The following HMCN1 variants were observed in gnomAD, a reference collection of about 807,000 sequenced individuals.
The protein encoded by HMCN1 is hemicentin-1.
Under a neutral mutation model 625.9 loss-of-function variants are expected in HMCN1, and 321 were observed. That is an observed-to-expected ratio of 0.51 (90% CI 0.47 to 0.56). The LOEUF is 0.56. Ranked by LOEUF, HMCN1 falls within the 20% of genes least tolerant of loss-of-function variation. HMCN1 has a pLI of 0.00. For missense variants in HMCN1, 6,588 were observed against 6,887.3 expected (o/e 0.96, Z 1.54); for synonymous variants, 2,425 against 2,417.6 (o/e 1.00, Z -0.09).
At chr1:185,861,480 C>A (rs778246910) in intron 2 of HMCN1, among the ~76,000 whole-genome samples, 3 of 152,124 alleles carry the variant, frequency 2.0e-5, no homozygotes, top group Admixed American at 6.5e-5. Flanking sequence ...CAGTGTCATG[C>A]GCAGTTGAGG....
Position 186,103,615 on chromosome 1 carries a change from G to A in HMCN1, c.10717G>A (p.Asp3573Asn). ...AGATGGCCGGCCCCTTCCACAGACG[G>A]ATCAAGTGCAAACTCTAGGAGGAGG... is the stretch of plus-strand genomic sequence containing the variant. ...MKDGRPLPQT[D>N]QVQTLGGGEV... Residue 3573 changes from aspartate (D) to asparagine (N), a missense_variant, in exon 69 of 107, where the codon GAT becomes AAT. By Grantham distance (23) the Asp-to-Asn change is conservative (BLOSUM62 1). This residue lies in a region of HMCN1 where 4,628 missense variants were observed against 4,853.1 expected (regional missense o/e 0.95). Coordinates refer to ENST00000271588, the MANE Select transcript of HMCN1 (RefSeq NM_031935.3). 6.2e-7 allele frequency: 1 copy of A among 1,613,742 alleles called. No individual in the cohort carries two copies. Among genetic ancestry groups the A allele is most frequent in the East Asian group, 2.2e-5 (1 of 44,878 alleles).
chr1:186,170,446 G>A (rs777941986), intron 100 of HMCN1, among the ~76,000 whole-genome samples: 3 of 152,010 alleles, frequency 2.0e-5, no homozygotes, highest in Non-Finnish European at 4.4e-5. Flanking sequence ...CCCATTACTG[G>A]GTATATATTC....
At chr1:185,800,959 C>T (rs1164521088) in intron 1 of HMCN1, among the ~76,000 whole-genome samples, 1 of 152,142 alleles carries the variant, frequency 6.6e-6, no homozygotes, top group Non-Finnish European at 1.5e-5. Context: ...CACTACTCTA[C>T]TCTGATCTTT....
chr1:186,181,288 AAAC>A (rs1261560898), intron 104 of HMCN1, among the ~76,000 whole-genome samples: 1 of 152,158 alleles, frequency 6.6e-6, no homozygotes, highest in Admixed American at 6.5e-5. Context: ...AGTTAAAGCA[AAAC>A]ACCACTGGGA....
At chr1:185,807,109 AAAG>A (rs1312791951) in intron 1 of HMCN1, among the ~76,000 whole-genome samples, 1 of 152,228 alleles carries the variant, frequency 6.6e-6, no homozygotes, top group Non-Finnish European at 1.5e-5. Flanking sequence ...TAATATAAAA[AAAG>A]CAGTTTTCTG....
At chr1:186,039,933 A>G in intron 39 of HMCN1, 54 bp downstream of exon 39, 2 of 1,520,410 alleles carry the variant, frequency 1.3e-6, no homozygotes, top group African/African-American at 2.7e-5. Context: ...TCAGTACAGG[A>G]AGTACACACA....
At chr1:185,745,735 G>A (rs142025785) in intron 1 of HMCN1, among the ~76,000 whole-genome samples, 132 of 149,088 alleles carry the variant, frequency 8.9e-4, no homozygotes, top group African/African-American at 3.2e-3. Flanking sequence ...TGGCCTGTCT[G>A]TCTCCAGGTA....
At chr1:185,811,436 T>A (rs1161339009) in intron 1 of HMCN1, among the ~76,000 whole-genome samples, 3 of 151,212 alleles carry the variant, frequency 2.0e-5, no homozygotes, top group African/African-American at 4.9e-5. Flanking sequence ...AAAAAAAAAA[T>A]GAATTTTAAA....
At chr1:185,777,282 A>ATACC in intron 1 of HMCN1, among the ~76,000 whole-genome samples, 1 of 152,148 alleles carries the variant, frequency 6.6e-6, no homozygotes, top group African/African-American at 2.4e-5. Context: ...AGAACATTTT[A>ATACC]TCTTCTTATA....
At chr1:185,934,819 C>A (rs1432991948) in intron 11 of HMCN1, among the ~76,000 whole-genome samples, 2 of 152,124 alleles carry the variant, frequency 1.3e-5, no homozygotes, top group Non-Finnish European at 2.9e-5. Flanking sequence ...AATGACCATT[C>A]AGTTTCAAGG....
At chr1:185,800,286 T>G (rs2102222522) in intron 1 of HMCN1, among the ~76,000 whole-genome samples, 1 of 152,326 alleles carries the variant, frequency 6.6e-6, no homozygotes, top group East Asian at 1.9e-4. Flanking sequence ...ACTTCTCTGT[T>G]GGATTCCAGT....
At chr1:186,017,321 G>A (rs1654428414) in intron 33 of HMCN1, among the ~76,000 whole-genome samples, 1 of 151,972 alleles carries the variant, frequency 6.6e-6, no homozygotes, top group South Asian at 2.1e-4. Context: ...GAATTCCATT[G>A]TATGGTATAG....
At chr1:185,838,295 A>C (rs2102303453) in intron 1 of HMCN1, among the ~76,000 whole-genome samples, 1 of 152,202 alleles carries the variant, frequency 6.6e-6, no homozygotes, top group East Asian at 1.9e-4. Context: ...CTCAGCGCTG[A>C]GGTGTGCTTG....
chr1:186,098,800 A>G (rs1337723030), intron 68 of HMCN1, among the ~76,000 whole-genome samples: 1 of 151,904 alleles, frequency 6.6e-6, no homozygotes, highest in Non-Finnish European at 1.5e-5. Flanking sequence ...ATGAATGAAT[A>G]AAGACAATGT....
chr1:186,026,440 T>G (rs913812906), intron 36 of HMCN1, among the ~76,000 whole-genome samples: 1 of 152,154 alleles, frequency 6.6e-6, no homozygotes, highest in Non-Finnish European at 1.5e-5. Context: ...AGTTACAGTA[T>G]AAGGAACAAG....
At chr1:185,906,100 C>A (rs980962511) in intron 4 of HMCN1, among the ~76,000 whole-genome samples, 4 of 151,572 alleles carry the variant, frequency 2.6e-5, no homozygotes, top group African/African-American at 9.7e-5. Flanking sequence ...CTCATGAGAA[C>A]TTTTCTTATA....
rs1252352072 is a variant in HMCN1, at chr1:186,095,251, A to G, written c.10303A>G (p.Asn3435Asp). 6.2e-7 allele frequency: 1 copy of G among 1,613,750 alleles called. No homozygotes were observed. Among genetic ancestry groups the G allele is most frequent in the South Asian group, 1.1e-5 (1 of 91,086 alleles). The change falls in exon 68 of 107, where the codon AAT becomes GAT. Residue 3435 changes from asparagine to aspartate, a missense_variant. Transcript: ENST00000271588. ...TGTTGTTTTCTATGTAGCACCACCA[A>G]ATATGGACAATTCAATGGGGACAGA... Reference protein sequence around the residue: ...HYNLQVFAPPNMDNSMGTEEI... With the variant: ...HYNLQVFAPPDMDNSMGTEEI...
At chr1:186,113,573 T>G (rs2102470586) in intron 72 of HMCN1, among the ~76,000 whole-genome samples, 1 of 152,356 alleles carries the variant, frequency 6.6e-6, no homozygotes, top group African/African-American at 2.4e-5. Flanking sequence ...ACAGATGTGC[T>G]TTTTGTTAAA....
At chr1:185,894,428 T>G (rs1665360420) in intron 4 of HMCN1, among the ~76,000 whole-genome samples, 1 of 152,246 alleles carries the variant, frequency 6.6e-6, no homozygotes, top group Non-Finnish European at 1.5e-5. Flanking sequence ...CCAGTTTTGG[T>G]CTAATGCAAA....
Sources: allele counts gnomAD v4.1 joint callset (sites outside exome capture counted in the v4.1 genomes callset), GRCh38; gene constraint gnomAD v4.1.1; regional missense constraint gnomAD v4.1.1; transcripts MANE v1.5; gene names NCBI Gene and HGNC (gene_info 2026-07-23, HGNC 2026-07-21).